PPP2R2B: variants seen among roughly 807,000 people sequenced by gnomAD.
The protein encoded by PPP2R2B is protein phosphatase 2 regulatory subunit Bbeta, also known as serine/threonine-protein phosphatase 2A 55 kDa regulatory subunit B beta isoform.
Under a neutral mutation model 46.0 loss-of-function variants are expected in PPP2R2B, and 5 were observed. The ratio of observed to expected loss-of-function variants is 0.11; its 90% CI spans 0.06 to 0.23. PPP2R2B has a LOEUF of 0.23. Among genes scored for constraint, PPP2R2B ranks in the 10% least tolerant of loss-of-function variants. The pLI, the probability that PPP2R2B is intolerant of heterozygous loss-of-function variation, is 1.00. For synonymous variants in PPP2R2B, 215 were observed against 206.7 expected (o/e 1.04, Z -0.34); for missense variants, 367 against 575.0 (o/e 0.64, Z 3.70).
At chr5:146,622,570 A>G (rs886817460) in intron 7 of PPP2R2B, among the ~76,000 whole-genome samples, 1 of 152,214 alleles carries the variant, frequency 6.6e-6, no homozygotes, top group East Asian at 1.9e-4. Flanking sequence ...ATGAACCTCA[A>G]CAGAGTATCT....
intron 1 of PPP2R2B, among the ~76,000 whole-genome samples, chr5:146,942,095 T>C (rs1399382734): frequency 6.6e-6 from 1 of 152,194 alleles, no homozygotes; most frequent in East Asian, 1.9e-4. Flanking sequence ...CCCACTCTAA[T>C]TCAGAATGAT....
chr5:146,809,506 A>G (rs1409259887), intron 2 of PPP2R2B, among the ~76,000 whole-genome samples: 13 of 152,172 alleles, frequency 8.5e-5, no homozygotes, highest in Non-Finnish European at 7.3e-5. Context: ...ATAAGGCACT[A>G]TGGTAGCAAT....
intron 7 of PPP2R2B, chr5:146,607,327 G>A (rs1345423864): frequency 6.6e-6 from 1 of 152,178 alleles, no homozygotes; most frequent in Non-Finnish European, 1.5e-5. Context: ...GGGGCCTAAT[G>A]ACATAGTCTC....
chr5:146,645,077 G>T (rs1775488752), intron 6 of PPP2R2B, among the ~76,000 whole-genome samples: 1 of 152,208 alleles, frequency 6.6e-6, no homozygotes. Context: ...TTCAAAAGCA[G>T]CTGAGGCTTT....
intron 2 of PPP2R2B, among the ~76,000 whole-genome samples, chr5:146,875,032 T>C (rs1215278890): frequency 6.6e-6 from 1 of 152,210 alleles, no homozygotes; most frequent in Non-Finnish European, 1.5e-5. Context: ...GAAAATGAAG[T>C]AGTGCAGAAT....
chr5:146,770,635 G>A (rs1478683997), intron 2 of PPP2R2B, among the ~76,000 whole-genome samples: 1 of 152,168 alleles, frequency 6.6e-6, no homozygotes, highest in African/African-American at 2.4e-5. Flanking sequence ...ATGATACTAA[G>A]AGAAAAATGT....
At chr5:146,969,451 A>C (rs1339681070) in intron 1 of PPP2R2B, among the ~76,000 whole-genome samples, 1 of 152,232 alleles carries the variant, frequency 6.6e-6, no homozygotes, top group Non-Finnish European at 1.5e-5. Flanking sequence ...TATCAAAAAT[A>C]GTTTGTCTTA....
chr5:147,077,159 G>A lies in PPP2R2B; in HGVS notation c.50+3900C>T, dbSNP rs1187263896. Among the ~76,000 whole-genome samples the A allele has an allele frequency of 6.1e-5, 8 of 131,576 alleles. No homozygotes were observed. In the East Asian group the frequency reaches 1.6e-3, roughly 26 times the overall value. 86.3% of individuals were successfully genotyped at this position (131,576 alleles called of 152,430 possible). On this transcript the variant is annotated intron_variant, in intron 2 of 10. Coordinates refer to the PPP2R2B transcript ENST00000394413. ...TATTATATGTATAATATTGTATATT[G>A]TATATTATTATATATGTATAATATT...
intron 2 of PPP2R2B, among the ~76,000 whole-genome samples, chr5:146,760,250 A>G (rs1448605993): frequency 6.6e-6 from 1 of 152,148 alleles, no homozygotes; most frequent in Admixed American, 6.5e-5. Context: ...TGGCAACCCT[A>G]TAAGGTATTG....
chr5:146,634,986 A>T (rs74387250), intron 7 of PPP2R2B, among the ~76,000 whole-genome samples: 3,665 of 152,266 alleles, frequency 0.024, 63 homozygotes, highest in Middle Eastern at 0.041. Flanking sequence ...GGTTTCGAAC[A>T]TCTTATGTCT....
At chr5:146,848,505 G>A (rs561662315) in intron 2 of PPP2R2B, among the ~76,000 whole-genome samples, 1 of 152,150 alleles carries the variant, frequency 6.6e-6, no homozygotes, top group South Asian at 2.1e-4. Flanking sequence ...TAGCAGTAAG[G>A]TATACTGTAG....
In PPP2R2B at chr5:146,844,362, A is replaced by AG. The variant is rs1759856777; in HGVS notation, c.70+33639_70+33640insC. On this transcript the variant is annotated intron_variant, in intron 2 of 9. Transcript: ENST00000394411. The stretch of plus-strand genomic sequence containing the variant: ...AAAACTTAGAGTATAATAAAAAAAA[A>AG]AAAACATTAAAAAAAAATATATACT... 1.5e-5 allele frequency among the ~76,000 whole-genome samples: 2 copies of AG among 131,982 alleles called. 1 individual carries two copies. The highest frequency in any genetic ancestry group is 5.3e-4 in the South Asian group (2 of 3,784). The allele number at this position is 131,982 out of a possible 152,430, so 86.6% of individuals were successfully genotyped here.
chr5:146,716,244 T>C (rs1490306244), intron 2 of PPP2R2B, among the ~76,000 whole-genome samples: 1 of 152,172 alleles, frequency 6.6e-6, no homozygotes. Context: ...CTAAGCTTCA[T>C]TGATTGGAAA....
chr5:146,969,018 C>T (rs1752554505), intron 1 of PPP2R2B, among the ~76,000 whole-genome samples: 1 of 152,216 alleles, frequency 6.6e-6, no homozygotes. Flanking sequence ...GTGGCGCCAG[C>T]CAGCGGGTAT....
chr5:146,981,937 G>A (rs898292413), intron 1 of PPP2R2B, among the ~76,000 whole-genome samples: 1 of 152,146 alleles, frequency 6.6e-6, no homozygotes, highest in Non-Finnish European at 1.5e-5. Flanking sequence ...CCTAACCTCT[G>A]CAGCAGTTGG....
At chr5:146,709,388 C>A (rs1780087892) in intron 2 of PPP2R2B, among the ~76,000 whole-genome samples, 1 of 152,124 alleles carries the variant, frequency 6.6e-6, no homozygotes, top group African/African-American at 2.4e-5. Flanking sequence ...TACTCAGAAT[C>A]TTTCTTCCTT....
At chr5:146,886,113 C>T (rs907837649) in intron 1 of PPP2R2B, among the ~76,000 whole-genome samples, 1 of 152,078 alleles carries the variant, frequency 6.6e-6, no homozygotes, top group Non-Finnish European at 1.5e-5. Flanking sequence ...CCGAGGCGGG[C>T]GGATCACGAG....
rs567247086 is a variant in PPP2R2B, at chr5:146,984,063, C to T, written c.79+71602G>A. Among the ~76,000 whole-genome samples, 67 of 152,200 alleles carry T rather than the reference C, an allele frequency of 4.4e-4. No homozygotes were observed. In the Middle Eastern group the frequency reaches 0.01, roughly 23 times the overall value. On this transcript the variant is annotated intron_variant, in intron 1 of 8. Coordinates refer to the PPP2R2B transcript ENST00000336640. ...ATCAAATTAGTTAACATATCCATCC[C>T]CTCAAATACTTGTCATTTTCATAAT...
chr5:146,590,398 GTTTTTTTT>G (rs1221281341), intron 9 of PPP2R2B, among the ~76,000 whole-genome samples, 172 bp from the exon 10 acceptor site: 11 of 113,418 alleles, frequency 9.7e-5, no homozygotes, highest in African/African-American at 3.6e-4. Flanking sequence ...TTTTTTTTGT[GTTTTTTTT>G]TTTTTTTTTT....
Sources: allele counts gnomAD v4.1 joint callset (sites outside exome capture counted in the v4.1 genomes callset), GRCh38; gene constraint gnomAD v4.1.1; transcripts MANE v1.5; gene names NCBI Gene and HGNC (gene_info 2026-07-23, HGNC 2026-07-21).